The following MEIS2 variants were observed in gnomAD, a reference collection of about 807,000 sequenced individuals.
The protein encoded by MEIS2 is homeobox protein Meis2.
In MEIS2, 9 loss-of-function variants were observed where a neutral mutation model predicts 58.6. That is an observed-to-expected ratio of 0.15 (90% CI 0.09 to 0.27). The LOEUF is 0.27. MEIS2 is among the 10% of genes least tolerant of loss of function. The pLI, the probability that MEIS2 is intolerant of heterozygous loss-of-function variation, is 1.00. For synonymous variants in MEIS2, 221 were observed against 228.4 expected (o/e 0.97, Z 0.29); for missense variants, 427 against 635.0 (o/e 0.67, Z 3.52).
In MEIS2 at chr15:36,938,784, T is replaced by C. The variant is rs573811391; in HGVS notation, c.977+11540A>G. Among the ~76,000 whole-genome samples, 7 of 152,284 alleles carry C rather than the reference T, an allele frequency of 4.6e-5. No individual in the cohort carries two copies. The South Asian group carries it at 1.5e-3, about 32-fold the overall frequency. Reference sequence around the variant, plus strand: ...TAAAAATCACCCAGTCCCCATTCTCTTATGGACGAGGGAATAGACACTGAG... The same window carrying C: ...TAAAAATCACCCAGTCCCCATTCTCCTATGGACGAGGGAATAGACACTGAG... On this transcript the variant is annotated intron_variant, in intron 9 of 11. Coordinates refer to ENST00000561208, the MANE Select transcript of MEIS2 (RefSeq NM_170675.5).
intron 9 of MEIS2, among the ~76,000 whole-genome samples, chr15:36,913,847 G>A (rs2057154424): frequency 6.6e-6 from 1 of 152,130 alleles, no homozygotes. Context: ...CTGAGGTCAT[G>A]GAAGAGAAGC....
chr15:37,027,191 A>T (rs948177208), intron 8 of MEIS2, among the ~76,000 whole-genome samples: 1 of 152,196 alleles, frequency 6.6e-6, no homozygotes, highest in Non-Finnish European at 1.5e-5. Context: ...TCATCTTTAC[A>T]CTTCATAATC....
chr15:36,936,549 A>G (rs929971802), intron 9 of MEIS2, among the ~76,000 whole-genome samples: 1 of 152,186 alleles, frequency 6.6e-6, no homozygotes, highest in African/African-American at 2.4e-5. Flanking sequence ...AGTGAGTGCA[A>G]TTGAGTTTTG....
At chr15:36,893,779 C>T in intron 11 of MEIS2, among the ~76,000 whole-genome samples, 1 of 152,154 alleles carries the variant, frequency 6.6e-6, no homozygotes, top group Admixed American at 6.5e-5. Flanking sequence ...AGGAAATTGG[C>T]TTCATCAATG....
At chr15:36,895,365 G>C in intron 10 of MEIS2, 104 bp from the exon 11 acceptor site, 3 of 947,834 alleles carry the variant, frequency 3.2e-6, no homozygotes, top group Non-Finnish European at 4.8e-6. Context: ...GCAACAATGT[G>C]GTTGGCACTC....
At chr15:37,084,021 C>T (rs1458262896) in intron 6 of MEIS2, 136 bp from the exon 7 acceptor site, 1 of 646,340 alleles carries the variant, frequency 1.5e-6, no homozygotes, top group African/African-American at 1.8e-5. Context: ...ATACGCATGC[C>T]ATGTTATGGT....
At chr15:37,067,088 CTTTT>C (rs542247552) in intron 7 of MEIS2, among the ~76,000 whole-genome samples, 4 of 129,556 alleles carry the variant, frequency 3.1e-5, no homozygotes, top group Non-Finnish European at 5.0e-5. Context: ...GCAACTAACT[CTTTT>C]TTTTTTTTTT....
intron 8 of MEIS2, among the ~76,000 whole-genome samples, chr15:36,992,984 G>C (rs972442413): frequency 6.6e-6 from 1 of 152,042 alleles, no homozygotes; most frequent in African/African-American, 2.4e-5. Context: ...TCCTAATGGA[G>C]AACAAATAAT....
intron 9 of MEIS2, among the ~76,000 whole-genome samples, chr15:36,946,422 G>GAAA (rs200972390): frequency 1.4e-5 from 1 of 71,450 alleles, no homozygotes; most frequent in Non-Finnish European, 3.6e-5. Flanking sequence ...AAGAACTGTA[G>GAAA]AAAAAAAAAA....
chr15:37,001,669 C>A (rs371311159), intron 8 of MEIS2, among the ~76,000 whole-genome samples: 370 of 152,242 alleles, frequency 2.4e-3, no homozygotes, highest in African/African-American at 8.5e-3. Flanking sequence ...CAGGCTTTTG[C>A]AACCTTTAGT....
At chr15:36,962,214 C>T (rs897482036) in intron 8 of MEIS2, among the ~76,000 whole-genome samples, 1 of 152,214 alleles carries the variant, frequency 6.6e-6, no homozygotes, top group Non-Finnish European at 1.5e-5. Flanking sequence ...TATGTTGTGG[C>T]TTTCGCAGAA....
intron 8 of MEIS2, among the ~76,000 whole-genome samples, chr15:36,977,626 T>G (rs751917761): frequency 5.9e-5 from 9 of 152,180 alleles, no homozygotes; most frequent in Non-Finnish European, 1.2e-4. Flanking sequence ...ACTAATAATA[T>G]TAATAAATAT....
chr15:37,039,346 C>T (rs746471007), intron 7 of MEIS2, among the ~76,000 whole-genome samples: 2 of 152,166 alleles, frequency 1.3e-5, no homozygotes. Flanking sequence ...ATATTTCTTT[C>T]TAAGCACATA....
At chr15:36,963,093 G>A (rs2141435586) in intron 8 of MEIS2, among the ~76,000 whole-genome samples, 1 of 152,278 alleles carries the variant, frequency 6.6e-6, no homozygotes. Context: ...AGTGAAACTT[G>A]GCCAGGTGCT....
intron 8 of MEIS2, among the ~76,000 whole-genome samples, chr15:37,012,391 T>G (rs901373340): frequency 1.3e-5 from 2 of 152,198 alleles, no homozygotes; most frequent in South Asian, 2.1e-4. Context: ...ATGCACTATT[T>G]GTTTGCAAAG....
In MEIS2 at chr15:36,934,570, T is replaced by A. The variant is rs1217786134; in HGVS notation, c.977+15754A>T. ...ACCGTTCAACGGGCACCTTTCCACT[T>A]ATCTTACATTCCTTGTTTTTCTTTA... On this transcript the variant is annotated intron_variant, in intron 9 of 11. Transcript: ENST00000561208. Among the ~76,000 whole-genome samples the A allele has an allele frequency of 4.6e-5, 7 of 152,354 alleles. No individual in the cohort carries two copies. In the East Asian group the frequency reaches 1.2e-3, roughly 25 times the overall value.
intron 7 of MEIS2, among the ~76,000 whole-genome samples, chr15:37,041,559 TA>T (rs1378577264): frequency 1.4e-4 from 21 of 152,106 alleles, no homozygotes; most frequent in African/African-American, 5.1e-4. Context: ...TACACCTACT[TA>T]AAAGAGCAAT....
chr15:36,978,589 A>G (rs998579470), intron 8 of MEIS2, among the ~76,000 whole-genome samples: 17 of 152,244 alleles, frequency 1.1e-4, no homozygotes, highest in Admixed American at 9.2e-4. Flanking sequence ...AAGGAAGAGC[A>G]AAAAGAAAAC....
chr15:37,094,682 A>G, intron 4 of MEIS2, 105 bp from the exon 5 acceptor site: 1 of 853,614 alleles, frequency 1.2e-6, no homozygotes, highest in Non-Finnish European at 1.9e-6. Context: ...TGGGCTGGGG[A>G]GAAGAAACGG....
Sources: allele counts gnomAD v4.1 joint callset (sites outside exome capture counted in the v4.1 genomes callset), GRCh38; gene constraint gnomAD v4.1.1; transcripts MANE v1.5; gene names NCBI Gene and HGNC (gene_info 2026-07-23, HGNC 2026-07-21).